The following ZDHHC16 variants were observed in gnomAD, a reference collection of about 807,000 sequenced individuals.
ZDHHC16 encodes the protein zDHHC palmitoyltransferase 16.
A neutral mutation model predicts 54.4 loss-of-function variants in ZDHHC16; 33 were observed. The observed-to-expected ratio is 0.61, with a 90% CI of 0.46 to 0.81. ZDHHC16 has a LOEUF of 0.81. Among genes scored for constraint, ZDHHC16 ranks in the 30% least tolerant of loss-of-function variants. ZDHHC16 has a pLI of 0.00. For missense variants in ZDHHC16, 420 were observed against 485.9 expected (o/e 0.86, Z 1.28); for synonymous variants, 185 against 182.1 (o/e 1.02, Z -0.13).
intron 10 of ZDHHC16, 51 bp downstream of exon 10, chr10:97,455,834 C>T: frequency 6.2e-7 from 1 of 1,604,592 alleles, no homozygotes; most frequent in Non-Finnish European, 8.5e-7. Context: ...TGAACTTGCT[C>T]TCCTGTAAAC....
At chr10:97,456,750 C>CAAT in intron 11 of ZDHHC16, 27 bp from the exon 12 acceptor site, 1 of 1,540,032 alleles carries the variant, frequency 6.5e-7, no homozygotes, top group Non-Finnish European at 8.9e-7. Flanking sequence ...TTCTTGAACT[C>CAAT]AGAGACATTT....
rs774870885 is a variant in ZDHHC16, at chr10:97,451,945, A to G, written c.243+27A>G. 1.9e-6 allele frequency: 3 copies of G among 1,596,972 alleles called. No individual in the cohort carries two copies. In the Admixed American group the frequency reaches 5.1e-5, roughly 27 times the overall value. ...TGAGTGATGTCCAGGGAGCAGGAAA[A>G]GGGGTGTTGTGGGGAGCAGAGGGAC... On this transcript the variant is annotated intron_variant, in intron 3 of 11. Transcript: ENST00000393760.
intron 2 of ZDHHC16, 142 bp from the exon 3 acceptor site, chr10:97,451,528 TC>T (rs1846606624): frequency 8.6e-7 from 1 of 1,157,886 alleles, no homozygotes; most frequent in African/African-American, 1.6e-5. Context: ...GAAGTAACCT[TC>T]CTACTTCTCA....
At chr10:97,449,132 T>C (rs1160037792) in intron 1 of ZDHHC16, among the ~76,000 whole-genome samples, 5 of 152,156 alleles carry the variant, frequency 3.3e-5, no homozygotes, top group Admixed American at 1.3e-4. Context: ...CCCTAAAGAA[T>C]TGGGTAAATC....
Position 97,452,500 on chromosome 10 carries a change from A to AC in ZDHHC16, c.525dup (p.Arg176GlnfsTer21). 6.2e-7 allele frequency: 1 copy of AC among 1,614,048 alleles called. No homozygotes were observed. Among genetic ancestry groups the AC allele is most frequent in the Non-Finnish European group, 8.5e-7 (1 of 1,179,934 alleles). Reference sequence around the variant, plus strand: ...CGAACACACCACTGCAGCATCTGCAACAGGTGGGTCTTGGCTTTGCTCTCT... The same window carrying AC: ...CGAACACACCACTGCAGCATCTGCAACCAGGTGGGTCTTGGCTTTGCTCTCT... On this transcript the variant is annotated frameshift_variant, in exon 5 of 12. Coordinates refer to ENST00000393760, the MANE Select transcript of ZDHHC16 (RefSeq NM_198046.3). LOFTEE classifies it high-confidence loss of function.
At chr10:97,454,896 C>A in intron 9 of ZDHHC16, 97 bp downstream of exon 9, 2 of 1,020,258 alleles carry the variant, frequency 2.0e-6, no homozygotes, top group Non-Finnish European at 3.0e-6. Context: ...AAGTGAACTG[C>A]CACTGCTCTA....
At chr10:97,449,147 C>T (rs2133194582) in intron 1 of ZDHHC16, among the ~76,000 whole-genome samples, 1 of 151,696 alleles carries the variant, frequency 6.6e-6, no homozygotes, top group East Asian at 1.9e-4. Context: ...TAAATCTGGT[C>T]TTTGAGGCAG....
At chr10:97,456,700 G>C in intron 11 of ZDHHC16, 77 bp from the exon 12 acceptor site, 2 of 1,071,432 alleles carry the variant, frequency 1.9e-6, no homozygotes, top group Non-Finnish European at 2.7e-6. Flanking sequence ...ATACCTTGAT[G>C]TATGCTTGTT....
chr10:97,447,197 A>G (rs1432663207), intron 1 of ZDHHC16, among the ~76,000 whole-genome samples: 1 of 152,216 alleles, frequency 6.6e-6, no homozygotes, highest in African/African-American at 2.4e-5. Context: ...GTTAGCCCAG[A>G]AGGGAGGTCT....
chr10:97,456,749 T>C (rs752169267), intron 11 of ZDHHC16, 28 bp from the exon 12 acceptor site: 1 of 1,537,826 alleles, frequency 6.5e-7, no homozygotes, highest in Non-Finnish European at 8.9e-7. Flanking sequence ...ATTCTTGAAC[T>C]CAGAGACATT....
At chr10:97,456,360 C>T in intron 11 of ZDHHC16, 4 of 371,084 alleles carry the variant, frequency 1.1e-5, no homozygotes, top group South Asian at 7.7e-5. Flanking sequence ...GAGTTCAAGC[C>T]AATAATTTGT....
chr10:97,451,605 C>A, intron 2 of ZDHHC16, 66 bp from the exon 3 acceptor site: 1 of 1,552,878 alleles, frequency 6.4e-7, no homozygotes. Context: ...GTACTCTAGG[C>A]CTTCCCACTA....
At chr10:97,447,492 AG>A (rs1846190913) in intron 1 of ZDHHC16, among the ~76,000 whole-genome samples, 1 of 152,214 alleles carries the variant, frequency 6.6e-6, no homozygotes, top group South Asian at 2.1e-4. Flanking sequence ...CTATTACTGA[AG>A]GATCAGAGTA....
chr10:97,453,623 G>A lies in ZDHHC16; in HGVS notation c.650G>A (p.Gly217Glu), dbSNP rs750736468. 1.9e-6 allele frequency: 3 copies of A among 1,614,138 alleles called. No homozygotes were observed. The highest frequency in any genetic ancestry group is 1.7e-5 in the Admixed American group (1 of 60,024). Residue 217 changes from glycine (G) to glutamate (E), a missense_variant, in exon 7 of 12, where the codon GGA (glycine) becomes GAA (glutamate). By Grantham distance (98) the Gly-to-Glu change is moderately conservative. Transcript: ENST00000393760. Reference sequence around the variant, plus strand: ...CTGGGCTGTGTCTACTGCAGCTATGGAAGTTGGGACCTTTTCCGGGAGGCT... The same window carrying A: ...CTGGGCTGTGTCTACTGCAGCTATGAAAGTTGGGACCTTTTCCGGGAGGCT... ...MTLGCVYCSY[G>E]SWDLFREAYA... is the part of the protein sequence containing the mutation.
chr10:97,450,093 G>C (rs544478727), intron 1 of ZDHHC16, among the ~76,000 whole-genome samples: 3 of 147,572 alleles, frequency 2.0e-5, no homozygotes, highest in Non-Finnish European at 4.5e-5. Flanking sequence ...GGATGGTCTC[G>C]ATCTCCTGAC....
At chr10:97,452,648 C>T in intron 5 of ZDHHC16, 145 bp downstream of exon 5, 3 of 1,020,636 alleles carry the variant, frequency 2.9e-6, no homozygotes, top group Non-Finnish European at 4.3e-6. Context: ...ACACCTCATC[C>T]TTAGGATGGT....
In ZDHHC16 at chr10:97,455,782, G is replaced by C; in HGVS notation, c.947G>C (p.Arg316Thr). Residue 316 changes from arginine (R) to threonine (T), a missense_variant and splice_region_variant, in exon 10 of 12, where the codon AGA (arginine) becomes ACA (threonine). Physicochemically the swap from Arg to Thr is moderately conservative, Grantham distance 71 (BLOSUM62 -1). Transcript: ENST00000393760. ...KERRRLQAKG[R>T]VFRNPYNYGC... is the part of the protein sequence containing the mutation. Reference sequence around the variant, plus strand: ...AGACGTCGGCTACAGGCCAAGGGCAGAGTGAGTAGGGTTGAAGGCTCGGGG... The same window carrying C: ...AGACGTCGGCTACAGGCCAAGGGCACAGTGAGTAGGGTTGAAGGCTCGGGG... 6.2e-7 allele frequency: 1 copy of C among 1,614,030 alleles called. No homozygotes were observed. The highest frequency in any genetic ancestry group is 8.5e-7 in the Non-Finnish European group (1 of 1,179,866).
At chr10:97,447,899 G>A (rs10882936) in intron 1 of ZDHHC16, among the ~76,000 whole-genome samples, 41,785 of 151,322 alleles carry the variant, frequency 0.28, 6,010 homozygotes, top group East Asian at 0.48. Flanking sequence ...CTCCAGCCTG[G>A]GCAACAAGAG....
Position 97,454,800 on chromosome 10 carries a change from G to GT in ZDHHC16, c.824+2dup. On this transcript the variant is annotated splice_donor_variant, in intron 9 of 11. Transcript: ENST00000393760. LOFTEE classifies it high-confidence loss of function. The stretch of plus-strand genomic sequence containing the variant: ...TTGTCTACCTCTGGTTCCTGTGCAG[G>GT]TATTTGTTTTTGATAGTTTTAAGGG... The GT allele has an allele frequency of 1.2e-6, 2 of 1,613,850 alleles. No individual in the cohort carries two copies. The highest frequency in any genetic ancestry group is 8.5e-7 in the Non-Finnish European group (1 of 1,179,938).
Sources: allele counts gnomAD v4.1 joint callset (sites outside exome capture counted in the v4.1 genomes callset), GRCh38; gene constraint gnomAD v4.1.1; transcripts MANE v1.5; gene names NCBI Gene and HGNC (gene_info 2026-07-23, HGNC 2026-07-21).